REEP3: variants seen among roughly 807,000 people sequenced by gnomAD.
REEP3 encodes receptor accessory protein 3, also known as receptor expression-enhancing protein 3.
In REEP3, 20 loss-of-function variants were observed where a neutral mutation model predicts 41.3. The ratio of observed to expected loss-of-function variants is 0.48; its 90% confidence interval spans 0.34 to 0.70. REEP3 has a LOEUF of 0.70. Among genes scored for constraint, REEP3 ranks in the 30% least tolerant of loss-of-function variants. The probability of loss-of-function intolerance (pLI) is 0.01; values close to 1 mark genes in which losing one functional copy is unlikely to be tolerated. For synonymous variants in REEP3, 104 were observed against 101.8 expected (o/e 1.02, Z -0.13); for missense variants, 271 against 308.8 (o/e 0.88, Z 0.92).
intron 6 of REEP3, among the ~76,000 whole-genome samples, chr10:63,613,909 A>C (rs1012216447): frequency 2.6e-5 from 4 of 152,222 alleles, no homozygotes; most frequent in Admixed American, 1.3e-4. Context: ...CAGATAGATA[A>C]AATTTCTTAA....
intron 1 of REEP3, among the ~76,000 whole-genome samples, chr10:63,549,613 T>C (rs1394933975): frequency 6.6e-6 from 1 of 152,210 alleles, no homozygotes; most frequent in Non-Finnish European, 1.5e-5. Flanking sequence ...TTGGAATCAG[T>C]AAGACTGAAC....
At chr10:63,556,626 G>T (rs12779930) in intron 1 of REEP3, among the ~76,000 whole-genome samples, 1,846 of 86,868 alleles carry the variant, frequency 0.021, 154 homozygotes, top group African/African-American at 0.05. Flanking sequence ...TTTTTTTTTT[G>T]TTGTTTTGTT....
intron 2 of REEP3, among the ~76,000 whole-genome samples, chr10:63,589,369 G>A (rs184557861): frequency 5.3e-5 from 8 of 152,218 alleles, no homozygotes; most frequent in Non-Finnish European, 1.0e-4. Context: ...TTCTCTGCCC[G>A]GCTGCTTATG....
At position 63,611,707 on chromosome 10, in the gene REEP3, A is replaced by C. The variant is rs142375923; in HGVS notation, c.565+1373A>C. ...GAGAGAGATTGAAAATCATCTTTAT[A>C]ATTAAAATCAATTTGAAAAATAAAA... is the stretch of plus-strand genomic sequence containing the variant. On this transcript the variant is annotated intron_variant, in intron 6 of 7. Coordinates refer to ENST00000373758, the MANE Select transcript of REEP3 (RefSeq NM_001001330.3). Among the ~76,000 whole-genome samples the C allele has an allele frequency of 8.3e-3, 1,268 of 152,052 alleles. 9 individuals are homozygous for C. The highest frequency in any genetic ancestry group is 0.013 in the Non-Finnish European group (900 of 67,980).
chr10:63,597,048 C>G (rs1374497360), intron 3 of REEP3, among the ~76,000 whole-genome samples: 2 of 152,108 alleles, frequency 1.3e-5, no homozygotes, highest in African/African-American at 4.8e-5. Context: ...GAAGGGTGTT[C>G]TAAAGCTTCT....
At position 63,599,308 on chromosome 10, in the gene REEP3, T is replaced by C. The variant is rs1956150527; in HGVS notation, c.417+25T>C. On this transcript the variant is annotated intron_variant, in intron 5 of 7. Coordinates refer to ENST00000373758, the MANE Select transcript of REEP3 (RefSeq NM_001001330.3). ...GGTAATTGTTCATTTACCTTTTTAA[T>C]CCAATGTCATATTAAGTCAACAAAT... is the stretch of plus-strand genomic sequence containing the variant. The C allele has an allele frequency of 2.8e-6, 3 of 1,052,856 alleles. No homozygotes were observed. The Admixed American group carries it at 8.5e-5, about 30-fold the overall frequency. The allele number at this position is 1,052,856 out of a possible 1,614,324, so 65.2% of individuals were successfully genotyped here.
intron 2 of REEP3, among the ~76,000 whole-genome samples, chr10:63,566,827 A>G (rs1179378383): frequency 6.6e-6 from 1 of 152,106 alleles, no homozygotes; most frequent in African/African-American, 2.4e-5. Flanking sequence ...ATATGCAGAT[A>G]CTCCATCACC....
At chr10:63,615,330 G>T (rs1008817468) in intron 6 of REEP3, among the ~76,000 whole-genome samples, 2 of 151,494 alleles carry the variant, frequency 1.3e-5, no homozygotes, top group Non-Finnish European at 2.9e-5. Flanking sequence ...AACAGAAAAT[G>T]TTTTTTTTGT....
At chr10:63,581,436 A>T (rs1955953292) in intron 2 of REEP3, among the ~76,000 whole-genome samples, 1 of 152,162 alleles carries the variant, frequency 6.6e-6, no homozygotes, top group Non-Finnish European at 1.5e-5. Flanking sequence ...TTATACAAAT[A>T]TTTACCTTAA....
intron 6 of REEP3, among the ~76,000 whole-genome samples, chr10:63,618,237 CTTTTTTTTTTTTT>C (rs60115766): frequency 7.5e-5 from 5 of 66,576 alleles, no homozygotes; most frequent in South Asian, 6.1e-4. Context: ...TTTCCTTCTT[CTTTTTTTTTTTTT>C]TTTTTTTTTT....
chr10:63,548,126 A>G lies in REEP3; in HGVS notation c.33-18212A>G, dbSNP rs527244215. The stretch of plus-strand genomic sequence containing the variant: ...CTGTGTTCAGCGGGGACTGGAAGTG[A>G]TAAGGATAGAAAAGCATCTGTGTTT... On this transcript the variant is annotated intron_variant, in intron 1 of 7. Coordinates refer to ENST00000373758, the MANE Select transcript of REEP3 (RefSeq NM_001001330.3). Among the ~76,000 whole-genome samples the G allele has an allele frequency of 1.9e-4, 29 of 152,314 alleles. No individual in the cohort carries two copies. The East Asian group carries it at 3.9e-3, about 20-fold the overall frequency.
chr10:63,570,291 CATGAT>C (rs1482854515), intron 2 of REEP3, among the ~76,000 whole-genome samples: 3 of 152,150 alleles, frequency 2.0e-5, no homozygotes, highest in Non-Finnish European at 4.4e-5. Context: ...AAACTATAAA[CATGAT>C]ATGTATTGAG....
chr10:63,599,990 T>C (rs1345506657), intron 5 of REEP3, among the ~76,000 whole-genome samples: 1 of 152,234 alleles, frequency 6.6e-6, no homozygotes, highest in Non-Finnish European at 1.5e-5. Context: ...GTAATATACC[T>C]GTGAGAATAT....
At chr10:63,521,876 G>A (rs1486535972) in intron 1 of REEP3, 1 of 162,404 alleles carries the variant, frequency 6.2e-6, no homozygotes, top group South Asian at 1.8e-4. Flanking sequence ...GGCGGCGCTG[G>A]GTGGGCAGGC....
chr10:63,620,689 T>A (rs963808969), intron 7 of REEP3, 124 bp from the exon 8 acceptor site: 2 of 576,986 alleles, frequency 3.5e-6, no homozygotes, highest in African/African-American at 3.7e-5. Flanking sequence ...TATACATTTA[T>A]TAAGAGAATT....
chr10:63,539,863 T>G (rs898970655), intron 1 of REEP3, among the ~76,000 whole-genome samples: 1 of 152,154 alleles, frequency 6.6e-6, no homozygotes, highest in Non-Finnish European at 1.5e-5. Context: ...TCCAGGTGAT[T>G]GGGTTTGAAA....
At chr10:63,532,462 A>G (rs1367114147) in intron 1 of REEP3, among the ~76,000 whole-genome samples, 1 of 152,098 alleles carries the variant, frequency 6.6e-6, no homozygotes, top group Non-Finnish European at 1.5e-5. Context: ...GGAGATCAAG[A>G]CCACCCTGGC....
Position 63,620,185 on chromosome 10 carries a change from C to T in REEP3, c.711+385C>T, listed in dbSNP as rs1016558990. ...TGGCCTCAAGCAATCCTCTCGCCTC[C>T]GCCTCTCGAAGTGCTGGGATTCCAG... is the stretch of plus-strand genomic sequence containing the variant. On this transcript the variant is annotated intron_variant, in intron 7 of 7. Transcript: ENST00000373758. Among the ~76,000 whole-genome samples the T allele has an allele frequency of 6.6e-5, 10 of 152,006 alleles. No homozygotes were observed. The East Asian group carries it at 1.4e-3, about 21-fold the overall frequency.
At chr10:63,572,729 A>G (rs1955864270) in intron 2 of REEP3, among the ~76,000 whole-genome samples, 1 of 152,114 alleles carries the variant, frequency 6.6e-6, no homozygotes, top group South Asian at 2.1e-4. Context: ...GAATATGTTT[A>G]TGTTCCCCAC....
Sources: allele counts gnomAD v4.1 joint callset (sites outside exome capture counted in the v4.1 genomes callset), GRCh38; gene constraint gnomAD v4.1.1; transcripts MANE v1.5; gene names NCBI Gene and HGNC (gene_info 2026-07-23, HGNC 2026-07-21).